Variants in CALD1 observed in about 807,000 individuals in gnomAD.
CALD1 encodes caldesmon 1, also known as caldesmon.
CALD1 carries 33 observed loss-of-function variants against 99.9 expected under a neutral mutation model. The ratio of observed to expected loss-of-function variants is 0.33; its 90% CI spans 0.25 to 0.44. The LOEUF is 0.44. Among genes scored for constraint, CALD1 ranks in the 20% least tolerant of loss-of-function variants. The pLI, the probability that CALD1 is intolerant of heterozygous loss-of-function variation, is 1.00. For synonymous variants in CALD1, 310 were observed against 325.0 expected, an observed-to-expected ratio of 0.95 and a Z score of 0.50; for missense variants, 861 against 962.1, an observed-to-expected ratio of 0.89 and a Z score of 1.39.
At chr7:134,726,387 C>A in the CALD1 span, among the ~76,000 whole-genome samples, 6 of 137,156 alleles carry the variant, frequency 4.4e-5, no homozygotes, top group African/African-American at 1.4e-4. Context: ...TAATATATAT[C>A]TTTTTATATA....
chr7:134,933,957 A>C lies in CALD1; in HGVS notation c.1188A>C (p.Lys396Asn). 1 of 1,614,154 alleles carries C rather than the reference A, an allele frequency of 6.2e-7. No individual in the cohort carries two copies. Among genetic ancestry groups the C allele is most frequent in the Non-Finnish European group, 8.5e-7 (1 of 1,180,004 alleles). ...QKRNKQLEEK[K>N]HAMQETKIKG... ...GTAACAAGCAGCTAGAAGAGAAAAA[A>C]CATGCCATGCAAGAGACAAAGATAA... Residue 396 changes from lysine (K) to asparagine (N), a missense_variant, in exon 5 of 15, where the codon AAA becomes AAC. Physicochemically the swap from Lys to Asn is moderately conservative, Grantham distance 94. This residue lies in a region of CALD1 where 293 missense variants were observed against 262.7 expected (regional missense o/e 1.12). Coordinates refer to ENST00000361675, the MANE Select transcript of CALD1 (RefSeq NM_033138.4).
Position 134,933,909 on chromosome 7 carries a change from G to A in CALD1, c.1140G>A (p.Lys380=), listed in dbSNP as rs780829907. ...GGGCCAGGGCAGAGGAGGAAGAGAA[G>A]GCTAAGGTAGAAGAGCAGAAACGTA... ...RQRARAEEEE[K]AKVEEQKRNK... The change falls in exon 5 of 15, where the codon AAG becomes AAA. Residue 380 remains lysine, a synonymous_variant. Transcript: ENST00000361675. The A allele has an allele frequency of 1.3e-6, 2 of 1,589,578 alleles. No homozygotes were observed. The highest frequency in any genetic ancestry group is 2.2e-5 in the East Asian group (1 of 44,728).
the CALD1 span, among the ~76,000 whole-genome samples, chr7:134,730,439 T>C: frequency 6.6e-6 from 1 of 152,116 alleles, no homozygotes; most frequent in Non-Finnish European, 1.5e-5. Context: ...ACTTCCCAAT[T>C]CTTTCATCCT....
the CALD1 span, among the ~76,000 whole-genome samples, chr7:134,725,036 T>C: frequency 6.6e-6 from 1 of 152,240 alleles, no homozygotes; most frequent in Non-Finnish European, 1.5e-5. Flanking sequence ...CCCCCTCTTC[T>C]TGTGGCCTCC....
chr7:134,819,223 A>C (rs1798675925), intron 1 of CALD1, among the ~76,000 whole-genome samples: 1 of 151,980 alleles, frequency 6.6e-6, no homozygotes, highest in African/African-American at 2.4e-5. Context: ...AGCATTCTCC[A>C]CTCTATTCCA....
chr7:134,882,551 G>T (rs905175266), intron 3 of CALD1, among the ~76,000 whole-genome samples: 1 of 152,088 alleles, frequency 6.6e-6, no homozygotes, highest in East Asian at 1.9e-4. Flanking sequence ...AAATTACAGG[G>T]TTTATGCCAA....
chr7:134,959,100 A>AGTTAC, intron 11 of CALD1, among the ~76,000 whole-genome samples: 1 of 151,800 alleles, frequency 6.6e-6, no homozygotes, highest in South Asian at 2.1e-4. Context: ...TTGTATAACT[A>AGTTAC]GTTACTATCT....
chr7:134,860,675 T>A (rs754248692), intron 2 of CALD1, among the ~76,000 whole-genome samples: 1 of 152,164 alleles, frequency 6.6e-6, no homozygotes, highest in Non-Finnish European at 1.5e-5. Context: ...AACAAAAGCA[T>A]ATGGAAAGTA....
At chr7:134,839,455 T>C (rs1386492607) in intron 1 of CALD1, among the ~76,000 whole-genome samples, 1 of 152,236 alleles carries the variant, frequency 6.6e-6, no homozygotes, top group Non-Finnish European at 1.5e-5. Context: ...TCACAGGGTA[T>C]ACAAATATTC....
chr7:134,866,688 C>T (rs1456606842), intron 2 of CALD1, among the ~76,000 whole-genome samples: 2 of 152,110 alleles, frequency 1.3e-5, no homozygotes, highest in African/African-American at 4.8e-5. Context: ...GCAAATGGCT[C>T]GTCTCATGTG....
chr7:134,803,483 A>AT (rs760394097), intron 1 of CALD1, among the ~76,000 whole-genome samples: 3 of 152,070 alleles, frequency 2.0e-5, no homozygotes, highest in East Asian at 1.9e-4. Flanking sequence ...AGGATCTTCT[A>AT]TTTAAAAAAA....
chr7:134,880,453 A>C (rs530437339), intron 3 of CALD1, among the ~76,000 whole-genome samples: 2 of 152,224 alleles, frequency 1.3e-5, no homozygotes, highest in Non-Finnish European at 2.9e-5. Flanking sequence ...AAGCAGGATG[A>C]GATGATGGGT....
chr7:134,920,306 A>G lies in CALD1; in HGVS notation c.72-8448A>G, dbSNP rs761746454. Among the ~76,000 whole-genome samples the G allele has an allele frequency of 6.4e-5, 8 of 125,932 alleles. 1 individual carries two copies. Among genetic ancestry groups the G allele is most frequent in the Non-Finnish European group, 9.1e-5 (5 of 54,894 alleles). 82.6% of individuals were successfully genotyped at this position (125,932 alleles called of 152,430 possible). ...TTTTGGTACATGAAAAAGAATAATGAAAGTATGTGTGAGTCATTTTGCCTC... is the reference window on the plus strand; with the variant it reads ...TTTTGGTACATGAAAAAGAATAATGGAAGTATGTGTGAGTCATTTTGCCTC... On this transcript the variant is annotated intron_variant, in intron 3 of 14. Coordinates refer to ENST00000361675, the MANE Select transcript of CALD1 (RefSeq NM_033138.4).
rs141708457 is a variant in CALD1, at chr7:134,916,551, G to A, written c.72-12203G>A. Among the ~76,000 whole-genome samples the A allele has an allele frequency of 5.3e-4, 81 of 152,326 alleles. 1 individual carries two copies. The highest frequency in any genetic ancestry group is 1.8e-3 in the African/African-American group (76 of 41,584). ...ACATTAAGCAGAGCCTGTCTAGAGA[G>A]GATGCTGAGAATTCACTCAGCTGAC... is the stretch of plus-strand genomic sequence containing the variant. On this transcript the variant is annotated intron_variant, in intron 3 of 14. Coordinates refer to ENST00000361675, the MANE Select transcript of CALD1 (RefSeq NM_033138.4).
intron 3 of CALD1, among the ~76,000 whole-genome samples, chr7:134,905,016 A>C (rs761187075): frequency 6.6e-6 from 1 of 152,166 alleles, no homozygotes; most frequent in Non-Finnish European, 1.5e-5. Flanking sequence ...TCAAAAAAGA[A>C]AGAGAAAAGT....
chr7:134,801,269 TC>T (rs2131844202), intron 1 of CALD1, among the ~76,000 whole-genome samples: 1 of 152,334 alleles, frequency 6.6e-6, no homozygotes, highest in African/African-American at 2.4e-5. Context: ...TCCGTGTTCA[TC>T]CTATAAGCTA....
At chr7:134,892,165 T>C (rs565704370) in intron 3 of CALD1, among the ~76,000 whole-genome samples, 1 of 152,228 alleles carries the variant, frequency 6.6e-6, no homozygotes, top group Admixed American at 6.5e-5. Context: ...GAGCATATGC[T>C]ATTGATCAGG....
chr7:134,941,710 A>T lies in CALD1; in HGVS notation c.1532+473A>T, dbSNP rs3800751. ...TTTTGTGGCGAAATACTTGGGAAAC[A>T]CTGGATTAAGCTAAATTCCTCAGAT... On this transcript the variant is annotated intron_variant, in intron 7 of 14. Transcript: ENST00000361675. Among the ~76,000 whole-genome samples, 87 of 152,330 alleles carry T rather than the reference A, an allele frequency of 5.7e-4. No individual in the cohort carries two copies. The East Asian group carries it at 0.017, about 29-fold the overall frequency.
chr7:134,929,279 G>A (rs964954172), intron 4 of CALD1, among the ~76,000 whole-genome samples: 3 of 151,928 alleles, frequency 2.0e-5, no homozygotes, highest in African/African-American at 7.3e-5. Flanking sequence ...GGGGGAACAG[G>A]TGGGGTTTTG....
Sources: allele counts gnomAD v4.1 joint callset (sites outside exome capture counted in the v4.1 genomes callset), GRCh38; gene constraint gnomAD v4.1.1; regional missense constraint gnomAD v4.1.1; transcripts MANE v1.5; gene names NCBI Gene and HGNC (gene_info 2026-07-23, HGNC 2026-07-21).